PPA2: variants seen among roughly 807,000 people sequenced by gnomAD.
The protein encoded by PPA2 is inorganic pyrophosphatase 2, mitochondrial.
A neutral mutation model predicts 49.5 loss-of-function variants in PPA2; 48 were observed. The ratio of observed to expected loss-of-function variants is 0.97; its 90% CI spans 0.77 to 1.23. The LOEUF is 1.23. PPA2 is among the 50% of genes most tolerant of loss of function. The pLI is 0.00. For synonymous variants in PPA2, 131 were observed against 139.9 expected, an observed-to-expected ratio of 0.94 and a Z score of 0.45; for missense variants, 429 against 410.1, an observed-to-expected ratio of 1.05 and a Z score of -0.40.
intron 6 of PPA2, among the ~76,000 whole-genome samples, chr4:105,432,258 C>G (rs968192424): frequency 6.6e-6 from 1 of 152,180 alleles, no homozygotes; most frequent in African/African-American, 2.4e-5. Context: ...TACCTACCTT[C>G]AAGTTTATTC....
intron 3 of PPA2, 47 bp from the exon 4 acceptor site, chr4:105,449,450 T>C: frequency 3.8e-6 from 5 of 1,307,420 alleles, no homozygotes; most frequent in African/African-American, 1.5e-5. Flanking sequence ...AATTTTACCT[T>C]TTATTTTTTC....
At chr4:105,428,563 G>A (rs757512376) in intron 6 of PPA2, among the ~76,000 whole-genome samples, 2 of 149,396 alleles carry the variant, frequency 1.3e-5, no homozygotes, top group Non-Finnish European at 3.0e-5. Context: ...CCTGGTCTCT[G>A]ATAAAACAGA....
At position 105,395,133 on chromosome 4, in the gene PPA2, G is replaced by A. The variant is rs77160318; in HGVS notation, c.869+1116C>T. ...GTAAGAAAAAAGGGAGAAGGCCAAG[G>A]AGTTGACAGTGTTTCTTTAGTAAGC... On this transcript the variant is annotated intron_variant, in intron 9 of 11. Coordinates refer to ENST00000341695, the MANE Select transcript of PPA2 (RefSeq NM_176869.3). 6.1e-4 allele frequency among the ~76,000 whole-genome samples: 92 copies of A among 151,912 alleles called. No homozygotes were observed. In the East Asian group the frequency reaches 0.016, roughly 27 times the overall value.
At chr4:105,448,061 T>G (rs1311172314) in intron 4 of PPA2, 1 of 405,002 alleles carries the variant, frequency 2.5e-6, no homozygotes, top group Non-Finnish European at 4.9e-6. Flanking sequence ...GTTAGTTTTC[T>G]ATCATGTATA....
At chr4:105,459,647 T>C (rs745614576) in intron 1 of PPA2, among the ~76,000 whole-genome samples, 23 of 152,238 alleles carry the variant, frequency 1.5e-4, no homozygotes, top group Non-Finnish European at 1.5e-5. Flanking sequence ...CCAAAAACTG[T>C]AAACAATGCA....
rs772700814 is a variant in PPA2, at chr4:105,424,185, AAC to A, written c.655+9_655+10del. 1.3e-6 allele frequency: 2 copies of A among 1,596,750 alleles called. No individual in the cohort carries two copies. Among genetic ancestry groups the A allele is most frequent in the Admixed American group, 3.7e-5 (2 of 54,780 alleles). On this transcript the variant is annotated intron_variant, in intron 7 of 11. Coordinates refer to ENST00000341695, the MANE Select transcript of PPA2 (RefSeq NM_176869.3). ...AATTTGCTTTCACTTTCTGGAAAGT[AAC>A]AGTCTTACCATGAAACTTTGAGGCT...
intron 10 of PPA2, among the ~76,000 whole-genome samples, chr4:105,376,918 C>T (rs78969258): frequency 1.4e-3 from 216 of 152,282 alleles, no homozygotes; most frequent in African/African-American, 5.0e-3. Flanking sequence ...GAACCTCACA[C>T]ATTGTTTAAT....
At chr4:105,373,010 T>A (rs1733089876) in intron 10 of PPA2, among the ~76,000 whole-genome samples, 4 of 152,208 alleles carry the variant, frequency 2.6e-5, no homozygotes, top group African/African-American at 9.6e-5. Context: ...TATCTTTTTG[T>A]TTGTTTGTTT....
intron 7 of PPA2, among the ~76,000 whole-genome samples, chr4:105,403,471 G>A (rs1560614462): frequency 6.6e-6 from 1 of 151,908 alleles, no homozygotes. Flanking sequence ...ATCTCCTTAA[G>A]GGAATTTTTG....
chr4:105,449,520 C>T, intron 3 of PPA2, 117 bp from the exon 4 acceptor site: 1 of 587,002 alleles, frequency 1.7e-6, no homozygotes, highest in Non-Finnish European at 2.9e-6. Flanking sequence ...AATGTTGAGT[C>T]TCCATCATAC....
rs1732994892 is a variant in PPA2 at position 105,370,857 on chromosome 4, T to C, written c.956A>G (p.Asn319Ser). The change falls in exon 11 of 12, where the codon AAT (asparagine) becomes AGT (serine). Residue 319 changes from asparagine to serine, a missense_variant. By Grantham distance (46) the Asn-to-Ser change is conservative (BLOSUM62 1). Transcript: ENST00000341695. ...SLVESVSSSPNKESNEEEQVW... is the reference protein window; with the variant it reads ...SLVESVSSSPSKESNEEEQVW... ...TATACCTTCTTCATTACTTTCTTTA[T>C]TTGGTGAAGATGATACCTGGAAATA... is the stretch of plus-strand genomic sequence containing the variant. The C allele has an allele frequency of 1.4e-6, 2 of 1,471,828 alleles. No individual in the cohort carries two copies. Among genetic ancestry groups the C allele is most frequent in the Non-Finnish European group, 1.8e-6 (2 of 1,091,638 alleles). The allele number at this position is 1,471,828 out of a possible 1,614,324, so 91.2% of individuals were successfully genotyped here.
At chr4:105,384,889 C>T (rs537477984) in intron 10 of PPA2, among the ~76,000 whole-genome samples, 17 of 152,208 alleles carry the variant, frequency 1.1e-4, no homozygotes, top group Non-Finnish European at 2.4e-4. Context: ...AAATAGCCTG[C>T]ACAGAGTCTT....
At chr4:105,449,123 A>G (rs952117832) in intron 4 of PPA2, among the ~76,000 whole-genome samples, 3 of 132,452 alleles carry the variant, frequency 2.3e-5, no homozygotes, top group Non-Finnish European at 4.6e-5. Context: ...AGGCTGAGGC[A>G]GGAGAATGGC....
intron 7 of PPA2, among the ~76,000 whole-genome samples, chr4:105,404,434 T>TA (rs1722363422): frequency 6.6e-6 from 1 of 152,086 alleles, no homozygotes; most frequent in South Asian, 2.1e-4. Flanking sequence ...ATCAAAACTC[T>TA]AAAAATATTC....
chr4:105,373,005 T>TTTTG (rs777626043), intron 10 of PPA2, among the ~76,000 whole-genome samples: 1 of 152,174 alleles, frequency 6.6e-6, no homozygotes, highest in African/African-American at 2.4e-5. Context: ...ATTTTTATCT[T>TTTTG]TTTGTTTGTT....
chr4:105,449,542 C>A, intron 3 of PPA2, 139 bp from the exon 4 acceptor site: 1 of 508,268 alleles, frequency 2.0e-6, no homozygotes, highest in African/African-American at 2.0e-5. Flanking sequence ...TCTACCTATG[C>A]CTTAAATTTT....
intron 1 of PPA2, among the ~76,000 whole-genome samples, chr4:105,465,914 G>A (rs1226739245): frequency 2.0e-5 from 3 of 152,072 alleles, no homozygotes; most frequent in Non-Finnish European, 2.9e-5. Context: ...TGAGTCAAAT[G>A]TTGGACTTTC....
chr4:105,473,457 TAGG>T (rs1388435672), intron 1 of PPA2: 1 of 383,344 alleles, frequency 2.6e-6, no homozygotes, highest in East Asian at 8.2e-5. Context: ...GCTCCCGCAG[TAGG>T]AGGTTTCTTA....
chr4:105,406,882 T>C (rs1247646571), intron 7 of PPA2: 2 of 152,020 alleles, frequency 1.3e-5, no homozygotes, highest in East Asian at 3.8e-4. Context: ...CAATGGGGGC[T>C]GATAGAAAAT....
Sources: gnomAD v4.1 joint callset for allele counts (sites outside exome capture counted in the v4.1 genomes callset) on GRCh38, gnomAD v4.1.1 for gene constraint, MANE v1.5 for transcripts, NCBI Gene and HGNC (gene_info 2026-07-23, HGNC 2026-07-21) for gene names.